The following SHPK variants were observed in gnomAD, a reference collection of about 807,000 sequenced individuals.
SHPK encodes sedoheptulokinase, also known as carbohydrate kinase-like protein.
A neutral mutation model predicts 46.3 loss-of-function variants in SHPK; 51 were observed. That is an observed-to-expected ratio of 1.10 (90% CI 0.88 to 1.39). The LOEUF (loss-of-function observed/expected upper bound fraction) is 1.39. Among genes scored for constraint, SHPK ranks in the 40% most tolerant of loss-of-function variants. SHPK has a pLI of 0.00. For synonymous variants in SHPK, 290 were observed against 273.9 expected (o/e 1.06, Z -0.58); for missense variants, 668 against 641.3 (o/e 1.04, Z -0.45).
chr17:3,616,148 G>A (rs1234231020), intron 5 of SHPK, among the ~76,000 whole-genome samples: 2 of 152,082 alleles, frequency 1.3e-5, no homozygotes, highest in African/African-American at 2.4e-5. Context: ...CACCGTGCCC[G>A]GCCGATACTC....
At chr17:3,612,983 T>A (rs566043745) in intron 6 of SHPK, among the ~76,000 whole-genome samples, 2 of 151,930 alleles carry the variant, frequency 1.3e-5, no homozygotes, top group Non-Finnish European at 2.9e-5. Context: ...AACTCCTGAC[T>A]TCGTGATCCG....
chr17:3,616,490 A>G (rs995220208), intron 5 of SHPK, among the ~76,000 whole-genome samples: 2 of 152,132 alleles, frequency 1.3e-5, no homozygotes, highest in African/African-American at 2.4e-5. Flanking sequence ...AGTGAATGCA[A>G]CCTCACGAGA....
At chr17:3,626,021 C>G (rs1481773318) in intron 2 of SHPK, among the ~76,000 whole-genome samples, 2 of 151,882 alleles carry the variant, frequency 1.3e-5, no homozygotes, top group African/African-American at 2.4e-5. Context: ...CCACTGCACT[C>G]CAGCCTGGGC....
In SHPK at chr17:3,621,239, G is replaced by T. The variant is rs1413302778; in HGVS notation, c.821C>A (p.Ala274Glu). Residue 274 changes from alanine (A) to glutamate (E), a missense_variant and splice_region_variant, in exon 5 of 7, where the codon GCA becomes GAA. By Grantham distance (107) the Ala-to-Glu change is moderately radical. Coordinates refer to ENST00000225519, the MANE Select transcript of SHPK (RefSeq NM_013276.4). ...VYSCMAQRTD[A>E]VLNISTSVQL... ...GACAGAACAAAAGAAAAACTTACCT[G>T]CATCTGTCCTCTGGGCCATGCAGGA... 1 of 1,607,798 alleles carries T rather than the reference G, an allele frequency of 6.2e-7. No individual in the cohort carries two copies. The highest frequency in any genetic ancestry group is 8.5e-7 in the Non-Finnish European group (1 of 1,177,312).
At chr17:3,619,155 T>C in intron 5 of SHPK, 1 of 344,426 alleles carries the variant, frequency 2.9e-6, no homozygotes, top group South Asian at 3.8e-5. Flanking sequence ...CCTCTAGAGA[T>C]GATGCCTTAA....
intron 2 of SHPK, among the ~76,000 whole-genome samples, chr17:3,625,819 A>G (rs577912745): frequency 5.3e-5 from 8 of 152,124 alleles, no homozygotes; most frequent in Non-Finnish European, 8.8e-5. Context: ...TCGGGAGGCC[A>G]AGGTGGGCGG....
At position 3,610,764 on chromosome 17, in the gene SHPK, G is replaced by C; in HGVS notation, c.1233C>G (p.His411Gln). 6.2e-7 allele frequency: 1 copy of C among 1,614,124 alleles called. No homozygotes were observed. ...GGAGCTGCTGAATCGGAAGCATGGA[G>C]TGCAGGTTCTGAACAATGCCTCGGC... is the stretch of plus-strand genomic sequence containing the variant. ...ALCRGIVQNL[H>Q]SMLPIQQLQE... Residue 411 changes from histidine to glutamine, a missense_variant, in exon 7 of 7, where the codon CAC becomes CAG. His to Gln is a conservative substitution (Grantham distance 24). Coordinates refer to ENST00000225519, the MANE Select transcript of SHPK (RefSeq NM_013276.4).
intron 2 of SHPK, 112 bp downstream of exon 2, chr17:3,630,093 C>A (rs941384180): frequency 1.5e-6 from 2 of 1,343,702 alleles, no homozygotes; most frequent in Non-Finnish European, 2.1e-6. Flanking sequence ...AGAAACAAGA[C>A]CCTATTCCCA....
intron 6 of SHPK, among the ~76,000 whole-genome samples, chr17:3,614,174 A>T (rs2150866988): frequency 6.6e-6 from 1 of 152,350 alleles, no homozygotes; most frequent in Non-Finnish European, 1.5e-5. Context: ...TCAGGGACAC[A>T]GCTGGGAACC....
rs559493463 is a variant in SHPK at position 3,625,848 on chromosome 17, T to A, written c.311-1617A>T. 1.1e-4 allele frequency among the ~76,000 whole-genome samples: 16 copies of A among 152,160 alleles called. No individual in the cohort carries two copies. In the South Asian group the frequency reaches 2.3e-3, roughly 22 times the overall value. ...TGGGCGGATCACCTGAGGTGAGGAGTTCGAGACCAGCCTGGACAACATGGC... is the reference window on the plus strand; with the variant it reads ...TGGGCGGATCACCTGAGGTGAGGAGATCGAGACCAGCCTGGACAACATGGC... On this transcript the variant is annotated intron_variant, in intron 2 of 6. Coordinates refer to ENST00000225519, the MANE Select transcript of SHPK (RefSeq NM_013276.4).
chr17:3,633,269 C>T (rs2075484318), intron 1 of SHPK, among the ~76,000 whole-genome samples: 1 of 151,942 alleles, frequency 6.6e-6, no homozygotes, highest in Non-Finnish European at 1.5e-5. Flanking sequence ...GCAAGAGCCA[C>T]CGCGCCCGGC....
At chr17:3,635,804 C>T (rs1359640797) in intron 1 of SHPK, among the ~76,000 whole-genome samples, 1 of 152,138 alleles carries the variant, frequency 6.6e-6, no homozygotes, top group Non-Finnish European at 1.5e-5. Flanking sequence ...GCGCAAGGCC[C>T]CCAGAAGAAG....
chr17:3,623,851 T>A (rs1437833042), intron 3 of SHPK, among the ~76,000 whole-genome samples, 197 bp downstream of exon 3: 1 of 152,132 alleles, frequency 6.6e-6, no homozygotes, highest in Non-Finnish European at 1.5e-5. Context: ...GGGTGGGAAC[T>A]GGATAACCAA....
chr17:3,630,327 C>T lies in SHPK; in HGVS notation c.188G>A (p.Ser63Asn), dbSNP rs201869596. 5.0e-6 allele frequency: 8 copies of T among 1,611,782 alleles called. No homozygotes were observed. Among genetic ancestry groups the T allele is most frequent in the Non-Finnish European group, 6.8e-6 (8 of 1,178,862 alleles). ...AGPQGREQDV[S>N]RILQALHECL... ...CTCGTGTAGGGCTTGGAGGATTCTA[C>T]TCACATCCTGCTCCCGCCCCTGGAA... Residue 63 changes from serine (S) to asparagine (N), a missense_variant, in exon 2 of 7, where the codon AGT becomes AAT. Transcript: ENST00000225519.
intron 2 of SHPK, among the ~76,000 whole-genome samples, chr17:3,628,033 C>T (rs2075448310): frequency 6.6e-6 from 1 of 151,918 alleles, no homozygotes; most frequent in Non-Finnish European, 1.5e-5. Context: ...TACGATTGCC[C>T]AGCCCCATCC....
At chr17:3,618,468 G>A (rs574496422) in intron 5 of SHPK, among the ~76,000 whole-genome samples, 32 of 151,968 alleles carry the variant, frequency 2.1e-4, no homozygotes, top group Non-Finnish European at 4.6e-4. Flanking sequence ...TTTTAGCTAT[G>A]TGTATATACC....
rs2075330971 is a variant in SHPK at position 3,610,558 on chromosome 17, G to A, written c.*2C>T. 2 of 1,594,134 alleles carry A rather than the reference G, an allele frequency of 1.3e-6. No individual in the cohort carries two copies. Among genetic ancestry groups the A allele is most frequent in the Admixed American group, 1.7e-5 (1 of 59,108 alleles). On this transcript the variant is annotated 3_prime_UTR_variant, in exon 7 of 7. Transcript: ENST00000225519. The stretch of plus-strand genomic sequence containing the variant: ...CAGTCGTTTGGCGAAAGAGTTTGCT[G>A]TCTAAGATTCCTTCTGGTTGAGGTG...
intron 1 of SHPK, among the ~76,000 whole-genome samples, chr17:3,635,229 G>GGAAGGAAGGAAGGAAGGAAA (rs2075507017): frequency 7.5e-6 from 1 of 133,444 alleles, no homozygotes; most frequent in Non-Finnish European, 1.7e-5. Context: ...AAGGAAGGAA[G>GGAAGGAAGGAAGGAAGGAAA]GAAGGAAGGA....
At chr17:3,633,012 T>C (rs1009743239) in intron 1 of SHPK, among the ~76,000 whole-genome samples, 1 of 138,492 alleles carries the variant, frequency 7.2e-6, no homozygotes, top group African/African-American at 2.7e-5. Context: ...AGAGTCTTAC[T>C]CTGTTGCCCA....
Sources: gnomAD v4.1 joint callset for allele counts (sites outside exome capture counted in the v4.1 genomes callset) on GRCh38, gnomAD v4.1.1 for gene constraint, MANE v1.5 for transcripts, NCBI Gene and HGNC (gene_info 2026-07-23, HGNC 2026-07-21) for gene names.